USP3: variants seen among roughly 807,000 people sequenced by gnomAD.
USP3 encodes the protein ubiquitin carboxyl-terminal hydrolase 3.
Under a neutral mutation model 72.3 loss-of-function variants are expected in USP3, and 20 were observed. That is an observed-to-expected ratio of 0.28 (90% confidence interval 0.19 to 0.40). The LOEUF is 0.40. Ranked by LOEUF, USP3 falls within the 10% of genes least tolerant of loss-of-function variation. The pLI, the probability that USP3 is intolerant of heterozygous loss-of-function variation, is 1.00. For missense variants in USP3, 479 were observed against 633.9 expected (o/e 0.76, Z 2.62); for synonymous variants, 222 against 225.3 (o/e 0.99, Z 0.13).
Position 63,544,542 on chromosome 15 carries a change from T to C in USP3, c.284+7386T>C, listed in dbSNP as rs2066292481. The C allele has an allele frequency of 1.7e-6, 1 of 581,658 alleles. No homozygotes were observed. The highest frequency in any genetic ancestry group is 2.9e-5 in the East Asian group (1 of 34,492). The allele number at this position is 581,658 out of a possible 1,614,324, so 36.0% of individuals were successfully genotyped here. A position where few individuals can be genotyped will look rare whatever the true frequency, so the allele number is the denominator to read the frequency against. On this transcript the variant is annotated intron_variant, in intron 3 of 14. Coordinates refer to ENST00000380324, the MANE Select transcript of USP3 (RefSeq NM_006537.4). This position sits in a 1 kb window ranked among gnomAD's most constrained non-coding sequence, Gnocchi z 4.2. Reference sequence around the variant, plus strand: ...CAAAAACAGGAAGGAAACGAGTGTTTCTAAAGTTAGAATTTTTTAAAGGAA... The same window carrying C: ...CAAAAACAGGAAGGAAACGAGTGTTCCTAAAGTTAGAATTTTTTAAAGGAA...
At position 63,547,845 on chromosome 15, in the gene USP3, GGA is replaced by G. The variant is rs1246222693; in HGVS notation, c.285-5854_285-5853del. Among the ~76,000 whole-genome samples, 65 of 43,762 alleles carry G rather than the reference GGA, an allele frequency of 1.5e-3. 4 individuals are homozygous for G. The highest frequency in any genetic ancestry group is 8.8e-3 in the East Asian group (18 of 2,038). 28.7% of individuals were successfully genotyped at this position (43,762 alleles called of 152,430 possible). ...GAGAGAGAGAGAGAGAGGGAGGGAG[GGA>G]GAGAGAGAGAGAGAGGCATAGAGAG... On this transcript the variant is annotated intron_variant, in intron 3 of 14. Coordinates refer to ENST00000380324, the MANE Select transcript of USP3 (RefSeq NM_006537.4).
At chr15:63,550,176 C>T (rs574950987) in intron 3 of USP3, among the ~76,000 whole-genome samples, 18 of 152,290 alleles carry the variant, frequency 1.2e-4, no homozygotes, top group African/African-American at 2.6e-4. Context: ...TGTGCCACCA[C>T]GCCAAGCTAA....
intron 1 of USP3, 74 bp downstream of exon 1, chr15:63,504,904 G>T: frequency 1.7e-6 from 2 of 1,186,484 alleles, no homozygotes; most frequent in Non-Finnish European, 2.1e-6. Flanking sequence ...TCTAGGGGCC[G>T]CAGGCGGCCG....
intron 3 of USP3, among the ~76,000 whole-genome samples, chr15:63,537,712 T>G (rs1292414229): frequency 1.3e-5 from 2 of 152,024 alleles, no homozygotes; most frequent in East Asian, 1.9e-4. Context: ...TGAGACAGAG[T>G]TTCGCTCTTG....
At chr15:63,540,667 A>G (rs1452044495) in intron 3 of USP3, among the ~76,000 whole-genome samples, 1 of 152,150 alleles carries the variant, frequency 6.6e-6, no homozygotes, top group African/African-American at 2.4e-5. Flanking sequence ...CTTGATGTAA[A>G]CAGGAGCCCA....
At chr15:63,565,606 G>C (rs564458996) in intron 8 of USP3, among the ~76,000 whole-genome samples, 39 of 152,244 alleles carry the variant, frequency 2.6e-4, no homozygotes, top group African/African-American at 9.4e-4. Flanking sequence ...TATCCTTTCA[G>C]ATATTCTGTG....
chr15:63,535,773 A>G (rs1004933528), intron 2 of USP3, among the ~76,000 whole-genome samples: 5 of 152,188 alleles, frequency 3.3e-5, no homozygotes, highest in Middle Eastern at 3.2e-3. Context: ...CTTCCCAGTT[A>G]CGGTAACTCT....
chr15:63,585,800 ATTTT>A (rs58350832), intron 11 of USP3, among the ~76,000 whole-genome samples: 1 of 135,706 alleles, frequency 7.4e-6, no homozygotes, highest in African/African-American at 2.8e-5. Flanking sequence ...TGTGTCTAGA[ATTTT>A]TTTTTTTTTT....
intron 11 of USP3, chr15:63,587,628 C>T (rs965645237): frequency 6.6e-5 from 10 of 152,200 alleles, no homozygotes; most frequent in African/African-American, 1.9e-4. Flanking sequence ...AGGCTTTGCA[C>T]CACATAAGGT....
chr15:63,518,626 G>A (rs1595707399), intron 1 of USP3, among the ~76,000 whole-genome samples: 1 of 152,214 alleles, frequency 6.6e-6, no homozygotes, highest in African/African-American at 2.4e-5. Flanking sequence ...AAGAACTTCC[G>A]TATACTTAGA....
intron 11 of USP3, among the ~76,000 whole-genome samples, chr15:63,581,572 T>G (rs1432632634): frequency 2.0e-5 from 2 of 97,614 alleles, no homozygotes; most frequent in Non-Finnish European, 4.6e-5. Context: ...TTTTTTTTTT[T>G]GGATTTTTGG....
In USP3 at chr15:63,574,826, A is replaced by G. The variant is rs1329501899; in HGVS notation, c.1096+423A>G. 6.6e-6 allele frequency among the ~76,000 whole-genome samples: 1 copy of G among 152,224 alleles called. No individual in the cohort carries two copies. Among genetic ancestry groups the G allele is most frequent in the Non-Finnish European group, 1.5e-5 (1 of 68,028 alleles). On this transcript the variant is annotated intron_variant, in intron 11 of 14. Coordinates refer to ENST00000380324, the MANE Select transcript of USP3 (RefSeq NM_006537.4). This position sits in a 1 kb window ranked among gnomAD's most constrained non-coding sequence, Gnocchi z 4.6. ...CTATGGATGATACAACTGCTGCTTA[A>G]GCCTGAGGCCCTGCTTTTAAGACTG...
At chr15:63,537,240 A>G (rs2066171364) in intron 3 of USP3, 84 bp downstream of exon 3, 3 of 1,449,310 alleles carry the variant, frequency 2.1e-6, no homozygotes, top group African/African-American at 2.9e-5. Flanking sequence ...TCTCTAAGCC[A>G]GTTACTACTG....
intron 8 of USP3, among the ~76,000 whole-genome samples, chr15:63,566,530 G>A (rs1003335484): frequency 1.3e-5 from 2 of 152,036 alleles, no homozygotes; most frequent in Non-Finnish European, 2.9e-5. Context: ...GGCTAGGCTG[G>A]TCTCAAACTC....
intron 11 of USP3, among the ~76,000 whole-genome samples, chr15:63,586,037 A>ATGTC (rs2067053654): frequency 6.6e-6 from 1 of 152,154 alleles, no homozygotes; most frequent in Non-Finnish European, 1.5e-5. Flanking sequence ...GGATGTCTTT[A>ATGTC]TGTCTTTTAA....
At chr15:63,571,290 C>G (rs1307656334) in intron 9 of USP3, among the ~76,000 whole-genome samples, 2 of 152,128 alleles carry the variant, frequency 1.3e-5, no homozygotes, top group Non-Finnish European at 2.9e-5. Flanking sequence ...CAAACTCCCC[C>G]CAAACAGAGA....
At chr15:63,510,567 T>C (rs533482766) in intron 1 of USP3, among the ~76,000 whole-genome samples, 1 of 152,358 alleles carries the variant, frequency 6.6e-6, no homozygotes, top group Non-Finnish European at 1.5e-5. Flanking sequence ...TTATGTTTAT[T>C]CATTGCCTCT....
rs1204128812 is a variant in USP3, at chr15:63,588,399, G to A, written c.1191G>A (p.Lys397=). 32 of 1,604,662 alleles carry A rather than the reference G, an allele frequency of 2.0e-5. No homozygotes were observed. In the East Asian group the frequency reaches 7.1e-4, roughly 36 times the overall value. ...KCKKKQKSTK[K]FWIQKLPKVL... is the part of the protein sequence containing the mutation. ...AAAAGAAACAAAAGTCCACAAAAAA[G>A]TTTTGGATTCAAAAACTACCCAAGG... is the stretch of plus-strand genomic sequence containing the variant. The change falls in exon 12 of 15, where the codon AAG becomes AAA. Residue 397 remains lysine, a synonymous_variant. Transcript: ENST00000380324. This position sits in a 1 kb window ranked among gnomAD's most constrained non-coding sequence, Gnocchi z 4.6.
chr15:63,552,539 A>G (rs2066451770), intron 3 of USP3, among the ~76,000 whole-genome samples: 1 of 152,160 alleles, frequency 6.6e-6, no homozygotes, highest in African/African-American at 2.4e-5. Flanking sequence ...CGCTCGGAGA[A>G]TATGTTAGAG....
Sources: allele counts gnomAD v4.1 joint callset (sites outside exome capture counted in the v4.1 genomes callset), GRCh38; gene constraint gnomAD v4.1.1; non-coding constraint Gnocchi (gnomAD v3.1); transcripts MANE v1.5; gene names NCBI Gene and HGNC (gene_info 2026-07-23, HGNC 2026-07-21).